The following ABCA12 variants were observed in gnomAD, a reference collection of about 807,000 sequenced individuals.
The protein encoded by ABCA12 is ATP binding cassette subfamily A member 12.
Under a neutral mutation model 293.5 loss-of-function variants are expected in ABCA12, and 156 were observed. The observed-to-expected ratio is 0.53, with a 90% CI of 0.47 to 0.61. ABCA12 has a LOEUF of 0.61. ABCA12 is among the 20% of genes least tolerant of loss of function. The pLI, the probability that ABCA12 is intolerant of heterozygous loss-of-function variation, is 0.00. For missense variants in ABCA12, 2,797 were observed against 3,090.2 expected (o/e 0.91, Z 2.25); for synonymous variants, 1,063 against 1,108.0 (o/e 0.96, Z 0.81).
chr2:215,127,724 G>C (rs560243566), intron 1 of ABCA12, among the ~76,000 whole-genome samples: 4 of 152,148 alleles, frequency 2.6e-5, no homozygotes, highest in African/African-American at 9.6e-5. Context: ...AGCAGATGTT[G>C]GTGAGTTGTT....
At position 215,019,567 on chromosome 2, in the gene ABCA12, G is replaced by A. The variant is rs558176371; in HGVS notation, c.1517C>T (p.Pro506Leu). 3.1e-6 allele frequency: 5 copies of A among 1,614,184 alleles called. No individual in the cohort carries two copies. In the South Asian group the frequency reaches 5.5e-5, roughly 18 times the overall value. ...ATCCATATTTAAATTAATTTTGCTTGGATCTCCAGTCAGCAAATCTCTCAC... is the reference window on the plus strand; with the variant it reads ...ATCCATATTTAAATTAATTTTGCTTAGATCTCCAGTCAGCAAATCTCTCAC... The part of the protein sequence containing the change: ...KKVRDLLTGD[P>L]SKINLNMDQF... Residue 506 changes from proline to leucine, a missense_variant, in exon 12 of 53, where the codon CCA becomes CTA. By Grantham distance (98) the Pro-to-Leu change is moderately conservative. Coordinates refer to ENST00000272895, the MANE Select transcript of ABCA12 (RefSeq NM_173076.3).
chr2:215,104,709 C>G (rs559163276), intron 2 of ABCA12, among the ~76,000 whole-genome samples: 1 of 152,306 alleles, frequency 6.6e-6, no homozygotes, highest in South Asian at 2.1e-4. Flanking sequence ...AATTCAAAAG[C>G]TGTTCCAAAA....
intron 51 of ABCA12, among the ~76,000 whole-genome samples, chr2:214,937,122 T>G (rs2105910653): frequency 6.6e-6 from 1 of 152,322 alleles, no homozygotes; most frequent in East Asian, 1.9e-4. Context: ...CAAATGTCGC[T>G]ATGACATTAC....
rs956438906 is a variant in ABCA12 at position 214,989,342 on chromosome 2, C to T, written c.3816G>A (p.Arg1272=). The part of the protein sequence containing the change: ...FIYFLIAWYV[R]NVFPGTYGMA... ...GCACATTCATACCTGGGAAGACATT[C>T]CTGACATACCAAGCAATAAGGAAAT... Residue 1272 remains arginine (R), a synonymous_variant, in exon 26 of 53, where the codon AGG becomes AGA. Transcript: ENST00000272895. The T allele has an allele frequency of 1.9e-6, 3 of 1,613,004 alleles. No individual in the cohort carries two copies. The Admixed American group carries it at 5.0e-5, about 27-fold the overall frequency.
In ABCA12 at chr2:214,998,687, G is replaced by A. The variant is rs112076481; in HGVS notation, c.3180-878C>T. 3.4e-3 allele frequency among the ~76,000 whole-genome samples: 520 copies of A among 152,218 alleles called. 4 individuals are homozygous for A. Among genetic ancestry groups the A allele is most frequent in the Non-Finnish European group, 5.2e-3 (353 of 68,014 alleles). On this transcript the variant is annotated intron_variant, in intron 22 of 52. Coordinates refer to ENST00000272895, the MANE Select transcript of ABCA12 (RefSeq NM_173076.3). The stretch of plus-strand genomic sequence containing the variant: ...ACCCAAAGAGATTACTAAAACACAA[G>A]TTTCTGGGCCCCAGCCTCTGATTTA...
intron 9 of ABCA12, among the ~76,000 whole-genome samples, chr2:215,029,622 G>C (rs6435871): frequency 1 from 151,771 of 152,256 alleles, 75,647 homozygotes; most frequent in East Asian, 1. Flanking sequence ...CCTTGATAAG[G>C]CATTCTCTTA....
chr2:215,136,855 G>A (rs1703239591), intron 1 of ABCA12, among the ~76,000 whole-genome samples: 1 of 152,004 alleles, frequency 6.6e-6, no homozygotes, highest in African/African-American at 2.4e-5. Flanking sequence ...GCCACATCAT[G>A]GTGGGAAAAA....
chr2:214,954,576 C>G lies in ABCA12; in HGVS notation c.6394-469G>C, dbSNP rs141521872. 4.0e-3 allele frequency among the ~76,000 whole-genome samples: 615 copies of G among 152,298 alleles called. 3 individuals carry two copies. The highest frequency in any genetic ancestry group is 5.6e-3 in the Non-Finnish European group (383 of 68,026). ...AAGAGGGACAAATAGCTCATTTTCA[C>G]ATTATTCACACGTGGGCCAACTACT... On this transcript the variant is annotated intron_variant, in intron 43 of 52. Transcript: ENST00000272895.
At chr2:215,119,064 A>G (rs1199952972) in intron 1 of ABCA12, among the ~76,000 whole-genome samples, 2 of 152,134 alleles carry the variant, frequency 1.3e-5, no homozygotes, top group African/African-American at 4.8e-5. Context: ...TCCACCTTCC[A>G]GGTTCAAGCA....
chr2:215,138,262 G>A lies in ABCA12; in HGVS notation c.-54C>T. The A allele has an allele frequency of 1.3e-6, 2 of 1,585,788 alleles. No individual in the cohort carries two copies. The highest frequency in any genetic ancestry group is 1.7e-6 in the Non-Finnish European group (2 of 1,154,428). ...CTCTTCTTTTCTCCACTCCACAAAT[G>A]AAGAACTGATGCCCCGTCCAACTTG... On this transcript the variant is annotated 5_prime_UTR_variant, in exon 1 of 53. Coordinates refer to ENST00000272895, the MANE Select transcript of ABCA12 (RefSeq NM_173076.3).
chr2:215,092,607 AG>A (rs1329208601), intron 2 of ABCA12, among the ~76,000 whole-genome samples: 2 of 152,146 alleles, frequency 1.3e-5, no homozygotes, highest in Non-Finnish European at 2.9e-5. Context: ...AAACGGTTAA[AG>A]CTTGTTATCA....
chr2:214,960,955 TA>T (rs1699095577), intron 39 of ABCA12, among the ~76,000 whole-genome samples: 2 of 152,168 alleles, frequency 1.3e-5, no homozygotes, highest in Admixed American at 6.5e-5. Flanking sequence ...AAAAGATTTT[TA>T]TTAGCATGTT....
intron 36 of ABCA12, among the ~76,000 whole-genome samples, chr2:214,972,654 C>T (rs1243184819): frequency 1.3e-5 from 2 of 151,868 alleles, no homozygotes; most frequent in Non-Finnish European, 2.9e-5. Context: ...GCAATCCTCC[C>T]ACCTCCCAAA....
At chr2:214,939,777 G>A (rs1265323700) in intron 50 of ABCA12, among the ~76,000 whole-genome samples, 1 of 152,244 alleles carries the variant, frequency 6.6e-6, no homozygotes. Flanking sequence ...TATTATTGGT[G>A]TATAGGAATG....
rs567074567 is a variant in ABCA12, at chr2:214,968,654, A to G, written c.5778+66T>C. On this transcript the variant is annotated intron_variant, in intron 38 of 52. Coordinates refer to ENST00000272895, the MANE Select transcript of ABCA12 (RefSeq NM_173076.3). ...CATATTTTGTTTTCACTTCATGAAA[A>G]TGATTAAACATATCAATTTCACCTT... is the stretch of plus-strand genomic sequence containing the variant. The G allele has an allele frequency of 1.9e-4, 283 of 1,495,536 alleles. 6 individuals are homozygous for G. The South Asian group carries it at 3.1e-3, about 16-fold the overall frequency. The allele number at this position is 1,495,536 out of a possible 1,614,324, so 92.6% of individuals were successfully genotyped here.
chr2:215,072,866 G>A (rs556304419), intron 2 of ABCA12, among the ~76,000 whole-genome samples: 1 of 152,298 alleles, frequency 6.6e-6, no homozygotes, highest in East Asian at 1.9e-4. Context: ...GGAGACCAAG[G>A]TGGGCGGATC....
chr2:214,982,053 C>A, intron 30 of ABCA12, 134 bp downstream of exon 30: 1 of 826,796 alleles, frequency 1.2e-6, no homozygotes, highest in Admixed American at 2.0e-5. Context: ...CTCAAGCAAT[C>A]CTCCTGTCTT....
At chr2:214,962,293 G>A (rs1187197656) in intron 39 of ABCA12, 2 of 152,112 alleles carry the variant, frequency 1.3e-5, no homozygotes, top group African/African-American at 4.8e-5. Flanking sequence ...CAGTGTGGAG[G>A]ATTAGAAAAA....
In ABCA12 at chr2:214,968,710, C is replaced by A; in HGVS notation, c.5778+10G>T. On this transcript the variant is annotated intron_variant, in intron 38 of 52. Coordinates refer to ENST00000272895, the MANE Select transcript of ABCA12 (RefSeq NM_173076.3). The stretch of plus-strand genomic sequence containing the variant: ...TTGTATAACATTCCAGAAAAAAGAT[C>A]AAAATTTACCTTGGCAAGTGTTCTA... The A allele has an allele frequency of 6.2e-7, 1 of 1,612,298 alleles. No homozygotes were observed. The highest frequency in any genetic ancestry group is 8.5e-7 in the Non-Finnish European group (1 of 1,178,600).
Sources: gnomAD v4.1 joint callset for allele counts (sites outside exome capture counted in the v4.1 genomes callset) on GRCh38, gnomAD v4.1.1 for gene constraint, MANE v1.5 for transcripts, NCBI Gene and HGNC (gene_info 2026-07-23, HGNC 2026-07-21) for gene names.